Variants in MAST3 observed in about 807,000 individuals in gnomAD.
MAST3 encodes the protein microtubule associated serine/threonine kinase 3, also known as microtubule-associated serine/threonine-protein kinase 3.
In MAST3, 43 loss-of-function variants were observed where a neutral mutation model predicts 127.0. That is an observed-to-expected ratio of 0.34 (90% CI 0.27 to 0.44). The LOEUF is 0.44. MAST3 is among the 20% of genes least tolerant of loss of function. The pLI is 1.00. For synonymous variants in MAST3, 785 were observed against 809.2 expected, an observed-to-expected ratio of 0.97 and a Z score of 0.51; for missense variants, 1,390 against 1,919.1, an observed-to-expected ratio of 0.72 and a Z score of 5.15.
rs577367598 is a variant in MAST3 at position 18,137,801 on chromosome 19, T to C, written c.2095+440T>C. On this transcript the variant is annotated intron_variant, in intron 19 of 27. Transcript: ENST00000687212. ...GACTCTCTCTCTCCCCACTTGGGGT[T>C]CCTGCCCTTCAGTGTCCAGCACCTC... 5.5e-4 allele frequency among the ~76,000 whole-genome samples: 84 copies of C among 152,328 alleles called. 3 individuals are homozygous for C. In the South Asian group the frequency reaches 0.01, roughly 18 times the overall value.
At chr19:18,099,893 T>C (rs553105409) in intron 1 of MAST3, among the ~76,000 whole-genome samples, 1 of 152,208 alleles carries the variant, frequency 6.6e-6, no homozygotes, top group South Asian at 2.1e-4. Context: ...GGTTAGACTT[T>C]CCCCCTAGGG....
At position 18,150,106 on chromosome 19, in the gene MAST3, C is replaced by T. The variant is rs1050909068; in HGVS notation, c.*380C>T. 31 of 213,432 alleles carry T rather than the reference C, an allele frequency of 1.5e-4. No individual in the cohort carries two copies. Among genetic ancestry groups the T allele is most frequent in the Middle Eastern group, 1.8e-3 (1 of 542 alleles). The allele number at this position is 213,432 out of a possible 1,614,324, so 13.2% of individuals were successfully genotyped here. On this transcript the variant is annotated 3_prime_UTR_variant, in exon 28 of 28. Coordinates refer to ENST00000687212, the MANE Select transcript of MAST3 (RefSeq NM_001393504.1). ...AGTTCAAGCGATTGTCCTGCCTCAG[C>T]TTCCCAAGTGGCTGGGATTACAGGC...
chr19:18,128,372 C>T, intron 11 of MAST3, 28 bp from the exon 12 acceptor site: 1 of 1,528,268 alleles, frequency 6.5e-7, no homozygotes, highest in Non-Finnish European at 8.8e-7. Context: ...AGGGAGGCTC[C>T]AGCTGAGCCT....
chr19:18,132,072 G>T (rs760999668), intron 15 of MAST3, 25 bp downstream of exon 15: 2 of 1,612,962 alleles, frequency 1.2e-6, no homozygotes. Context: ...CATGAGCGGG[G>T]CCTCGCGGAG....
chr19:18,128,630 G>A (rs2040925422), intron 12 of MAST3, among the ~76,000 whole-genome samples, 172 bp downstream of exon 12: 1 of 152,242 alleles, frequency 6.6e-6, no homozygotes, highest in South Asian at 2.1e-4. Context: ...AAGTCGGGTG[G>A]GGGCAGTGCT....
chr19:18,140,081 A>G (rs945644604), intron 20 of MAST3, among the ~76,000 whole-genome samples: 7 of 151,504 alleles, frequency 4.6e-5, no homozygotes, highest in Non-Finnish European at 8.8e-5. Context: ...GGCCTCCCAA[A>G]GTGCTGGGAT....
chr19:18,107,570 T>C lies in MAST3; in HGVS notation c.40-17T>C. On this transcript the variant is annotated splice_polypyrimidine_tract_variant and intron_variant, in intron 1 of 27. Transcript: ENST00000687212. Reference sequence around the variant, plus strand: ...CTAGTCTCTCTGAGAATGATCCCCATTTCTGTCTCATTGCAGAAGGAGCTG... The same window carrying C: ...CTAGTCTCTCTGAGAATGATCCCCACTTCTGTCTCATTGCAGAAGGAGCTG... 2 of 1,613,318 alleles carry C rather than the reference T, an allele frequency of 1.2e-6. No individual in the cohort carries two copies. Among genetic ancestry groups the C allele is most frequent in the Non-Finnish European group, 1.7e-6 (2 of 1,179,518 alleles).
chr19:18,111,552 T>TTTTTTTTTGG (rs2038638116), intron 3 of MAST3, among the ~76,000 whole-genome samples: 1 of 137,934 alleles, frequency 7.2e-6, no homozygotes, highest in African/African-American at 2.5e-5. Context: ...TTTTTTTTTT[T>TTTTTTTTTGG]GAGGCAGAGT....
In MAST3 at chr19:18,110,314, C is replaced by A; in HGVS notation, c.72-338C>A. On this transcript the variant is annotated intron_variant, in intron 2 of 27. Transcript: ENST00000687212. The surrounding 1 kb of genome is among the most constrained non-coding windows in gnomAD (Gnocchi z 4.3). ...CCCGCCGCACAGAGGCGGCCTCTGC[C>A]TCGGCATGAAGTCCCGCAGGGACAA... is the stretch of plus-strand genomic sequence containing the variant. The A allele has an allele frequency of 1.0e-6, 1 of 985,540 alleles. No homozygotes were observed. Among genetic ancestry groups the A allele is most frequent in the Non-Finnish European group, 1.2e-6 (1 of 829,990 alleles). The allele number at this position is 985,540 out of a possible 1,614,324, so 61.0% of individuals were successfully genotyped here. A position where few individuals can be genotyped will look rare whatever the true frequency, so the allele number is the denominator to read the frequency against.
intron 1 of MAST3, among the ~76,000 whole-genome samples, chr19:18,103,856 A>G (rs1009537064): frequency 4.0e-5 from 6 of 151,694 alleles, no homozygotes; most frequent in African/African-American, 9.7e-5. Flanking sequence ...TGCAAGTGGG[A>G]CCCCCCACCA....
chr19:18,148,606 G>A (rs984848218), intron 27 of MAST3, among the ~76,000 whole-genome samples: 1 of 152,050 alleles, frequency 6.6e-6, no homozygotes, highest in African/African-American at 2.4e-5. Flanking sequence ...GCAGGAGGCA[G>A]AAAAGTCTGG....
intron 21 of MAST3, among the ~76,000 whole-genome samples, chr19:18,142,793 A>C (rs1352987825): frequency 6.6e-6 from 1 of 151,244 alleles, no homozygotes; most frequent in Non-Finnish European, 1.5e-5. Context: ...GGCGTGCACC[A>C]CGGCACCCGG....
Position 18,143,798 on chromosome 19 carries a change from A to G in MAST3, c.2375A>G (p.Gln792Arg). The change falls in exon 22 of 28, where the codon CAG (glutamine) becomes CGG (arginine). Residue 792 changes from glutamine to arginine, a missense_variant. Coordinates refer to ENST00000687212, the MANE Select transcript of MAST3 (RefSeq NM_001393504.1). The part of the protein sequence containing the change: ...RSWTSSGSSC[Q>R]SSSSQPERGP... Reference sequence around the variant, plus strand: ...TGGACATCCTCTGGATCCTCCTGTCAGTCATCTTCGTCCCAGCCCGAGCGG... The same window carrying G: ...TGGACATCCTCTGGATCCTCCTGTCGGTCATCTTCGTCCCAGCCCGAGCGG... 1.9e-6 allele frequency: 3 copies of G among 1,613,768 alleles called. No individual in the cohort carries two copies. Among genetic ancestry groups the G allele is most frequent in the Non-Finnish European group, 1.7e-6 (2 of 1,179,830 alleles).
rs1401039736 is a variant in MAST3, at chr19:18,149,391, C to A, written c.3709C>A (p.Pro1237Thr). ...LACPPISAPP[P>T]RSPSPLPGHP... ...CTGCCCGCCCATCTCCGCGCCCCCA[C>A]CCCGCTCGCCCTCGCCCCTGCCCGG... The change falls in exon 28 of 28, where the codon CCC (proline) becomes ACC (threonine). Residue 1237 changes from proline to threonine, a missense_variant. Pro to Thr is a conservative substitution (Grantham distance 38). Coordinates refer to ENST00000687212, the MANE Select transcript of MAST3 (RefSeq NM_001393504.1). The surrounding 1 kb of genome is among the most constrained non-coding windows in gnomAD (Gnocchi z 5.9). 1.4e-6 allele frequency: 2 copies of A among 1,468,462 alleles called. No individual in the cohort carries two copies. Among genetic ancestry groups the A allele is most frequent in the Non-Finnish European group, 1.8e-6 (2 of 1,115,998 alleles). 91.0% of individuals were successfully genotyped at this position (1,468,462 alleles called of 1,614,324 possible).
At position 18,146,322 on chromosome 19, in the gene MAST3, A is replaced by G. The variant is rs149547949; in HGVS notation, c.3162+457A>G. 7.5e-4 allele frequency among the ~76,000 whole-genome samples: 114 copies of G among 152,290 alleles called. 2 individuals are homozygous for G. The East Asian group carries it at 0.019, about 26-fold the overall frequency. On this transcript the variant is annotated intron_variant, in intron 25 of 27. Coordinates refer to ENST00000687212, the MANE Select transcript of MAST3 (RefSeq NM_001393504.1). ...TAGCTAGGCATGGTGGCATGCGCCT[A>G]TAGTCCTAGGTACTTAGGAGTCTGA...
At chr19:18,141,795 A>C in intron 20 of MAST3, 87 bp from the exon 21 acceptor site, 1 of 1,128,956 alleles carries the variant, frequency 8.9e-7, no homozygotes, top group Non-Finnish European at 1.1e-6. Flanking sequence ...GGCTCAAGTG[A>C]TCCTCCCAGC....
Position 18,142,032 on chromosome 19 carries a change from A to C in MAST3, c.2339+17A>C, listed in dbSNP as rs746142635. ...TGACATCCGGTAAGTGGCCTGGGGA[A>C]GTGTAGGCAGATCCAGCTTCCAAGC... is the stretch of plus-strand genomic sequence containing the variant. On this transcript the variant is annotated intron_variant, in intron 21 of 27. Transcript: ENST00000687212. 9 of 1,433,326 alleles carry C rather than the reference A, an allele frequency of 6.3e-6. No individual in the cohort carries two copies. The highest frequency in any genetic ancestry group is 8.3e-6 in the Non-Finnish European group (9 of 1,078,358). 88.8% of individuals were successfully genotyped at this position (1,433,326 alleles called of 1,614,324 possible).
At chr19:18,119,669 G>C (rs1314569394) in intron 3 of MAST3, among the ~76,000 whole-genome samples, 1 of 152,190 alleles carries the variant, frequency 6.6e-6, no homozygotes, top group African/African-American at 2.4e-5. Context: ...ACCCGAGTCC[G>C]ACCCAAAGCT....
In MAST3 at chr19:18,110,915, T is replaced by C. The variant is rs1341807955; in HGVS notation, c.161+174T>C. ...ACTGCGATACGTTCTAGGGGCTTAA[T>C]GGGAAAATTCCATTTTTAGCCAGGC... is the stretch of plus-strand genomic sequence containing the variant. On this transcript the variant is annotated intron_variant, in intron 3 of 27. Transcript: ENST00000687212. The surrounding 1 kb of genome is among the most constrained non-coding windows in gnomAD (Gnocchi z 4.3). Among the ~76,000 whole-genome samples, 1 of 152,152 alleles carries C rather than the reference T, an allele frequency of 6.6e-6. No individual in the cohort carries two copies. Among genetic ancestry groups the C allele is most frequent in the Non-Finnish European group, 1.5e-5 (1 of 68,030 alleles).
Sources: gnomAD v4.1 joint callset for allele counts (sites outside exome capture counted in the v4.1 genomes callset) on GRCh38, gnomAD v4.1.1 for gene constraint, Gnocchi (gnomAD v3.1) non-coding constraint, MANE v1.5 for transcripts, NCBI Gene and HGNC (gene_info 2026-07-23, HGNC 2026-07-21) for gene names.